The following PTPRF variants were observed in gnomAD, a reference collection of about 807,000 sequenced individuals.
PTPRF encodes receptor-type tyrosine-protein phosphatase F.
PTPRF carries 59 observed loss-of-function variants against 201.8 expected under a neutral mutation model. That is an observed-to-expected ratio of 0.29 (90% CI 0.24 to 0.36). The LOEUF (loss-of-function observed/expected upper bound fraction) is 0.36. Ranked by LOEUF, PTPRF falls within the 10% of genes least tolerant of loss-of-function variation. PTPRF has a pLI of 1.00. For missense variants in PTPRF, 2,132 were observed against 2,690.5 expected, an observed-to-expected ratio of 0.79 and a Z score of 4.59; for synonymous variants, 1,088 against 1,089.7, an observed-to-expected ratio of 1.00 and a Z score of 0.03.
Position 43,603,510 on chromosome 1 carries a change from A to G in PTPRF, c.2435A>G (p.Lys812Arg). Residue 812 changes from lysine (K) to arginine (R), a missense_variant, in exon 15 of 34, where the codon AAA becomes AGA. Around this residue, in one of 6 missense-constraint regions of PTPRF, gnomAD observed 818 missense variants for 915.3 expected, o/e 0.89. Coordinates refer to ENST00000359947, the MANE Select transcript of PTPRF (RefSeq NM_002840.5). This position sits in a 1 kb window ranked among gnomAD's most constrained non-coding sequence, Gnocchi z 5.8. ...GGGGATGGTGCCCGCAGCAAGCCCAAAATTGTCACTACAACAGGTGCAGGT... is the reference window on the plus strand; with the variant it reads ...GGGGATGGTGCCCGCAGCAAGCCCAGAATTGTCACTACAACAGGTGCAGGT... ...TKGDGARSKPKIVTTTGAVPG... is the reference protein window; with the variant it reads ...TKGDGARSKPRIVTTTGAVPG... The G allele has an allele frequency of 6.2e-7, 1 of 1,614,058 alleles. No homozygotes were observed. Among genetic ancestry groups the G allele is most frequent in the Non-Finnish European group, 8.5e-7 (1 of 1,179,994 alleles).
In PTPRF at chr1:43,605,205, CAG is replaced by C. The variant is rs1444116046; in HGVS notation, c.3154_3155del (p.Ser1052CysfsTer88). On this transcript the variant is annotated frameshift_variant, in exon 18 of 34. Coordinates refer to ENST00000359947, the MANE Select transcript of PTPRF (RefSeq NM_002840.5). LOFTEE classifies it high-confidence loss of function. ...TCCCCCACAGATTCTGTACAATGGG[CAG>C]AGTGTGGAGGTGGACGGGCACTCGA... is the stretch of plus-strand genomic sequence containing the variant. ...AVPFKILYNG[Q>X]SVEVDGHSMR... The C allele has an allele frequency of 6.2e-7, 1 of 1,600,702 alleles. No individual in the cohort carries two copies. Among genetic ancestry groups the C allele is most frequent in the Non-Finnish European group, 8.5e-7 (1 of 1,169,866 alleles).
chr1:43,608,553 G>A (rs865797281), intron 21 of PTPRF, among the ~76,000 whole-genome samples: 2 of 152,194 alleles, frequency 1.3e-5, no homozygotes, highest in Non-Finnish European at 2.9e-5. Flanking sequence ...CTCTGCAGAG[G>A]ATGCTTCTTC....
intron 1 of PTPRF, among the ~76,000 whole-genome samples, chr1:43,534,483 A>T (rs946506097): frequency 1.3e-5 from 2 of 152,102 alleles, no homozygotes; most frequent in African/African-American, 4.8e-5. Flanking sequence ...GGACAGAATG[A>T]TTTATTGGAT....
intron 23 of PTPRF, among the ~76,000 whole-genome samples, chr1:43,616,303 T>C (rs1194590222): frequency 1.3e-5 from 2 of 151,334 alleles, no homozygotes; most frequent in Non-Finnish European, 2.9e-5. Flanking sequence ...CCAGGCACAC[T>C]GTGGGTCCTC....
chr1:43,532,183 GC>G (rs888650507), intron 1 of PTPRF, among the ~76,000 whole-genome samples: 1 of 152,064 alleles, frequency 6.6e-6, no homozygotes, highest in East Asian at 1.9e-4. Flanking sequence ...TGTGCTAGGC[GC>G]CCCCCCATTT....
chr1:43,578,622 T>C (rs1647096016), intron 6 of PTPRF, among the ~76,000 whole-genome samples, 188 bp from the exon 7 acceptor site: 1 of 152,080 alleles, frequency 6.6e-6, no homozygotes, highest in Non-Finnish European at 1.5e-5. Flanking sequence ...CAACCGTTGG[T>C]TCTAGACAGG....
At chr1:43,541,260 G>A (rs992387186) in intron 2 of PTPRF, among the ~76,000 whole-genome samples, 8 of 152,236 alleles carry the variant, frequency 5.3e-5, no homozygotes, top group African/African-American at 9.6e-5. Flanking sequence ...CATGCCCAAG[G>A]AAAACAAATC....
In PTPRF at chr1:43,589,130, TG is replaced by T. The variant is rs1649946355; in HGVS notation, c.949+131del. On this transcript the variant is annotated intron_variant, in intron 8 of 33. Transcript: ENST00000359947. ...ATTCTTGCCCTTTCCTGGGTGTCCC[TG>T]CCCTGGGGTCCTCCAGCCCTTAGAG... 13 of 1,121,134 alleles carry T rather than the reference TG, an allele frequency of 1.2e-5. No individual in the cohort carries two copies. The South Asian group carries it at 2.5e-4, about 21-fold the overall frequency. 69.4% of individuals were successfully genotyped at this position (1,121,134 alleles called of 1,614,324 possible).
At chr1:43,576,693 C>T (rs1027886367) in intron 6 of PTPRF, among the ~76,000 whole-genome samples, 5 of 152,250 alleles carry the variant, frequency 3.3e-5, no homozygotes, top group Admixed American at 3.3e-4. Flanking sequence ...AATTGGGTCA[C>T]GGCCACCTGC....
chr1:43,615,757 G>A (rs1038438916), intron 23 of PTPRF, among the ~76,000 whole-genome samples: 6 of 151,590 alleles, frequency 4.0e-5, no homozygotes, highest in African/African-American at 7.3e-5. Context: ...TAGTAGAGAT[G>A]GGGTTTCACC....
intron 7 of PTPRF, chr1:43,579,383 G>A (rs1647163154): frequency 5.4e-6 from 2 of 370,304 alleles, no homozygotes; most frequent in Admixed American, 6.6e-5. Flanking sequence ...CTTTGGGGTA[G>A]TAAGGCCTCA....
chr1:43,559,943 G>T (rs1211685985), intron 5 of PTPRF, among the ~76,000 whole-genome samples: 1 of 150,920 alleles, frequency 6.6e-6, no homozygotes, highest in Non-Finnish European at 1.5e-5. Context: ...GTAGCAAGCT[G>T]TGTGTATGTG....
Position 43,606,943 on chromosome 1 carries a change from G to A in PTPRF, c.3832G>A (p.Val1278Ile). Reference sequence around the variant, plus strand: ...GGCAGTCATCCTCATCATCCTCATTGTCATCGCCATCCTCTTGTTCAAAAG... The same window carrying A: ...GGCAGTCATCCTCATCATCCTCATTATCATCGCCATCCTCTTGTTCAAAAG... ...VLAVILIILI[V>I]IAILLFKRKR... Residue 1278 changes from valine (V) to isoleucine (I), a missense_variant, in exon 21 of 34, where the codon GTC becomes ATC. Val to Ile is a conservative substitution (Grantham distance 29). Around this residue, in one of 6 missense-constraint regions of PTPRF, gnomAD observed 818 missense variants for 915.3 expected, o/e 0.89. Coordinates refer to ENST00000359947, the MANE Select transcript of PTPRF (RefSeq NM_002840.5). 1 of 1,614,138 alleles carries A rather than the reference G, an allele frequency of 6.2e-7. No individual in the cohort carries two copies.
At position 43,553,577 on chromosome 1, in the gene PTPRF, A is replaced by G; in HGVS notation, c.177A>G (p.Glu59=). The change falls in exon 4 of 34, where the codon GAA becomes GAG. Residue 59 remains glutamate, a synonymous_variant. Coordinates refer to ENST00000359947, the MANE Select transcript of PTPRF (RefSeq NM_002840.5). The surrounding 1 kb of genome is among the most constrained non-coding windows in gnomAD (Gnocchi z 4.1). ...CCTTCGTGTGCCAAGCTACAGGAGAACCCAAGCCGCGCATCACATGGATGA... is the reference window on the plus strand; with the variant it reads ...CCTTCGTGTGCCAAGCTACAGGAGAGCCCAAGCCGCGCATCACATGGATGA... The part of the protein sequence containing the change: ...VASFVCQATG[E]PKPRITWMKK... The G allele has an allele frequency of 6.2e-7, 1 of 1,614,134 alleles. No homozygotes were observed. Among genetic ancestry groups the G allele is most frequent in the Non-Finnish European group, 8.5e-7 (1 of 1,180,018 alleles).
At chr1:43,598,340 C>T (rs1255635126) in intron 12 of PTPRF, 2 of 465,406 alleles carry the variant, frequency 4.3e-6, no homozygotes, top group East Asian at 6.7e-5. Flanking sequence ...GTAAAAGATA[C>T]TCAAAGTAGA....
Position 43,598,735 on chromosome 1 carries a change from C to T in PTPRF, c.2135C>T (p.Pro712Leu). ...GACCCCCCAGTGCCCAGCGGGCCTCCGCGGAAGGTGGAGGTGGAGCCACTG... is the reference window on the plus strand; with the variant it reads ...GACCCCCCAGTGCCCAGCGGGCCTCTGCGGAAGGTGGAGGTGGAGCCACTG... ...RTDEDVPSGP[P>L]RKVEVEPLNS... The change falls in exon 13 of 34, where the codon CCG (proline) becomes CTG (leucine). Residue 712 changes from proline (P) to leucine (L), a missense_variant. Coordinates refer to ENST00000359947, the MANE Select transcript of PTPRF (RefSeq NM_002840.5). 6.2e-7 allele frequency: 1 copy of T among 1,613,506 alleles called. No individual in the cohort carries two copies. The highest frequency in any genetic ancestry group is 8.5e-7 in the Non-Finnish European group (1 of 1,179,546).
intron 2 of PTPRF, among the ~76,000 whole-genome samples, chr1:43,543,738 A>G (rs1644489298): frequency 6.6e-6 from 1 of 152,088 alleles, no homozygotes; most frequent in Admixed American, 6.5e-5. Flanking sequence ...TTCTCTTACT[A>G]TTGTGGGTCA....
intron 7 of PTPRF, among the ~76,000 whole-genome samples, chr1:43,583,675 G>A (rs1648346510): frequency 1.3e-5 from 2 of 152,170 alleles, no homozygotes; most frequent in Admixed American, 1.3e-4. Context: ...GGGCTTAATG[G>A]GGCAGTCAGC....
upstream of PTPRF, among the ~76,000 whole-genome samples, chr1:43,529,379 T>A (rs1337372253): frequency 6.6e-6 from 1 of 152,174 alleles, no homozygotes; most frequent in African/African-American, 2.4e-5. Context: ...CAGAACCTGA[T>A]TCCTCAGCCC....
Sources: gnomAD v4.1 joint callset for allele counts (sites outside exome capture counted in the v4.1 genomes callset) on GRCh38, gnomAD v4.1.1 for gene constraint, gnomAD v4.1.1 regional missense constraint, Gnocchi (gnomAD v3.1) non-coding constraint, MANE v1.5 for transcripts, NCBI Gene and HGNC (gene_info 2026-07-23, HGNC 2026-07-21) for gene names.